The following TMEM163 variants were observed in gnomAD, a reference collection of about 807,000 sequenced individuals.
TMEM163 encodes transmembrane protein 163.
TMEM163 carries 17 observed loss-of-function variants against 29.3 expected under a neutral mutation model. The observed-to-expected ratio is 0.58, with a 90% CI of 0.40 to 0.87. TMEM163 has a LOEUF of 0.87. Ranked by LOEUF, TMEM163 falls within the 40% of genes least tolerant of loss-of-function variation. The pLI is 0.00. For synonymous variants in TMEM163, 157 were observed against 160.6 expected, an observed-to-expected ratio of 0.98 and a Z score of 0.17; for missense variants, 303 against 381.5, an observed-to-expected ratio of 0.79 and a Z score of 1.71.
At chr2:134,520,540 T>TA (rs1680170227) in intron 4 of TMEM163, among the ~76,000 whole-genome samples, 1 of 152,200 alleles carries the variant, frequency 6.6e-6, no homozygotes, top group Non-Finnish European at 1.5e-5. Context: ...CGGGTCTTAT[T>TA]AGCAAAGTGC....
chr2:134,674,161 T>C (rs567934618), intron 2 of TMEM163, among the ~76,000 whole-genome samples: 2 of 152,090 alleles, frequency 1.3e-5, no homozygotes, highest in Non-Finnish European at 2.9e-5. Flanking sequence ...AATTCTCCCA[T>C]ATCTGAGAGT....
At chr2:134,559,085 C>A (rs897236460) in intron 2 of TMEM163, among the ~76,000 whole-genome samples, 3 of 152,210 alleles carry the variant, frequency 2.0e-5, no homozygotes, top group African/African-American at 7.2e-5. Flanking sequence ...CAATCTGGAT[C>A]TTTGGATTCT....
At chr2:134,585,685 T>A (rs981149829) in intron 2 of TMEM163, among the ~76,000 whole-genome samples, 2 of 149,090 alleles carry the variant, frequency 1.3e-5, no homozygotes, top group Admixed American at 6.7e-5. Flanking sequence ...GAGCTTGCAG[T>A]GAGTCTAGAT....
At chr2:134,656,697 C>A (rs1683627832) in intron 2 of TMEM163, among the ~76,000 whole-genome samples, 1 of 152,194 alleles carries the variant, frequency 6.6e-6, no homozygotes, top group Admixed American at 6.5e-5. Flanking sequence ...TGGTTGTAGC[C>A]TTTGCCCACT....
chr2:134,594,713 TA>T (rs1490007966), intron 2 of TMEM163, among the ~76,000 whole-genome samples: 1 of 152,234 alleles, frequency 6.6e-6, no homozygotes, highest in East Asian at 1.9e-4. Flanking sequence ...GATCAGCAAG[TA>T]AATATCATTT....
chr2:134,605,757 A>T lies in TMEM163; in HGVS notation c.323-53666T>A, dbSNP rs369917216. Among the ~76,000 whole-genome samples the T allele has an allele frequency of 2.0e-5, 3 of 152,256 alleles. No individual in the cohort carries two copies. The South Asian group carries it at 6.2e-4, about 32-fold the overall frequency. ...GAGGAGAGGAGAGGAGAAAAAAGAA[A>T]AGAAAAGATGTGACACTGATTGAGT... On this transcript the variant is annotated intron_variant, in intron 2 of 7. Coordinates refer to ENST00000281924, the MANE Select transcript of TMEM163 (RefSeq NM_030923.5).
At chr2:134,647,752 G>T (rs558939296) in intron 2 of TMEM163, among the ~76,000 whole-genome samples, 1 of 152,222 alleles carries the variant, frequency 6.6e-6, no homozygotes, top group African/African-American at 2.4e-5. Context: ...CTAGCTGGCT[G>T]CTTCATTGCC....
chr2:134,659,860 T>A (rs1683709226), intron 2 of TMEM163, among the ~76,000 whole-genome samples: 1 of 151,502 alleles, frequency 6.6e-6, no homozygotes, highest in African/African-American at 2.4e-5. Flanking sequence ...TCCCTTGAGC[T>A]CAGGAGTTTG....
chr2:134,538,138 CCTCCAGGG>C (rs894671407), intron 4 of TMEM163, among the ~76,000 whole-genome samples: 3 of 152,230 alleles, frequency 2.0e-5, no homozygotes, highest in African/African-American at 7.2e-5. Flanking sequence ...AAAACCATTA[CCTCCAGGG>C]CTATGGTGTT....
intron 2 of TMEM163, among the ~76,000 whole-genome samples, chr2:134,643,502 C>G (rs1383237449): frequency 1.3e-5 from 2 of 151,846 alleles, no homozygotes; most frequent in Non-Finnish European, 2.9e-5. Context: ...GAACATTATC[C>G]TGATACCAAA....
intron 7 of TMEM163, 130 bp from the exon 8 acceptor site, chr2:134,456,906 TTTTTAGTATATTCATCCA>T (rs1340167294): frequency 5.9e-5 from 54 of 910,430 alleles, no homozygotes; most frequent in Non-Finnish European, 8.4e-5. Context: ...GGCTCGGTGG[TTTTTAGTATATTCATCCA>T]TTTGTGTTAT....
At chr2:134,545,022 T>C (rs546579086) in intron 4 of TMEM163, among the ~76,000 whole-genome samples, 1 of 152,084 alleles carries the variant, frequency 6.6e-6, no homozygotes, top group South Asian at 2.1e-4. Flanking sequence ...CCAGTCTCCT[T>C]TGTATCCTTT....
chr2:134,593,163 G>T (rs559932256), intron 2 of TMEM163, among the ~76,000 whole-genome samples: 1 of 152,322 alleles, frequency 6.6e-6, no homozygotes, highest in East Asian at 1.9e-4. Flanking sequence ...AGCTTCAGAG[G>T]TGGACCAGAA....
rs547172587 is a variant in TMEM163 at position 134,694,134 on chromosome 2, G to T, written c.322+19066C>A. Reference sequence around the variant, plus strand: ...TGCAAGAATGAAGTGTGATCTGTGGGAAGCACTTAGCACAGTGCCCAGCAT... The same window carrying T: ...TGCAAGAATGAAGTGTGATCTGTGGTAAGCACTTAGCACAGTGCCCAGCAT... On this transcript the variant is annotated intron_variant, in intron 2 of 7. Coordinates refer to ENST00000281924, the MANE Select transcript of TMEM163 (RefSeq NM_030923.5). Among the ~76,000 whole-genome samples the T allele has an allele frequency of 7.0e-4, 106 of 152,312 alleles. 2 individuals carry two copies. The South Asian group carries it at 0.022, about 31-fold the overall frequency.
intron 5 of TMEM163, chr2:134,470,079 T>C (rs478675): frequency 0.65 from 98,862 of 152,358 alleles, 35,180 homozygotes; most frequent in East Asian, 0.97. Flanking sequence ...CATACGAGGC[T>C]GGGCGCGGTG....
At chr2:134,598,447 T>C (rs1682143231) in intron 2 of TMEM163, among the ~76,000 whole-genome samples, 1 of 152,246 alleles carries the variant, frequency 6.6e-6, no homozygotes, top group Non-Finnish European at 1.5e-5. Flanking sequence ...GAGGTATATA[T>C]GATCATTGGC....
At position 134,456,317 on chromosome 2, in the gene TMEM163, G is replaced by C. The variant is rs1289917434; in HGVS notation, c.*399C>G. ...TCCCTTAAGACCTGCCAGGAAAGGA[G>C]AGACTTGGAACCAGGAGTGGCAGGG... On this transcript the variant is annotated 3_prime_UTR_variant, in exon 8 of 8. Transcript: ENST00000281924. 5.6e-6 allele frequency: 1 copy of C among 178,712 alleles called. No homozygotes were observed. Among genetic ancestry groups the C allele is most frequent in the Admixed American group, 5.7e-5 (1 of 17,492 alleles). The allele number at this position is 178,712 out of a possible 1,614,324, so 11.1% of individuals were successfully genotyped here. A position where few individuals can be genotyped will look rare whatever the true frequency, so the allele number is the denominator to read the frequency against.
chr2:134,541,755 CGTGT>C, intron 4 of TMEM163, among the ~76,000 whole-genome samples: 1 of 145,582 alleles, frequency 6.9e-6, no homozygotes, highest in South Asian at 2.3e-4. Context: ...AATGGATATA[CGTGT>C]GTGTACACAC....
rs529040576 is a variant in TMEM163, at chr2:134,575,993, C to T, written c.323-23902G>A. Among the ~76,000 whole-genome samples the T allele has an allele frequency of 3.9e-5, 6 of 151,966 alleles. No individual in the cohort carries two copies. In the South Asian group the frequency reaches 1.3e-3, roughly 32 times the overall value. ...AGAAACTGGGCAAAGATGGGAGAGCCAGTGAAAGAAACAAATGACACCCAT... is the reference window on the plus strand; with the variant it reads ...AGAAACTGGGCAAAGATGGGAGAGCTAGTGAAAGAAACAAATGACACCCAT... On this transcript the variant is annotated intron_variant, in intron 2 of 7. Coordinates refer to ENST00000281924, the MANE Select transcript of TMEM163 (RefSeq NM_030923.5).
Sources: gnomAD v4.1 joint callset for allele counts (sites outside exome capture counted in the v4.1 genomes callset) on GRCh38, gnomAD v4.1.1 for gene constraint, MANE v1.5 for transcripts, NCBI Gene and HGNC (gene_info 2026-07-23, HGNC 2026-07-21) for gene names.